Variants in LRRC4C observed in about 807,000 individuals in gnomAD.
The protein encoded by LRRC4C is leucine-rich repeat-containing protein 4C.
In LRRC4C, 5 loss-of-function variants were observed where a neutral mutation model predicts 33.6. The observed-to-expected ratio is 0.15, with a 90% CI of 0.08 to 0.31. The LOEUF is 0.31. Among genes scored for constraint, LRRC4C ranks in the 10% least tolerant of loss-of-function variants. LRRC4C has a pLI of 1.00. For synonymous variants in LRRC4C, 329 were observed against 302.0 expected (o/e 1.09, Z -0.93); for missense variants, 560 against 796.7 (o/e 0.70, Z 3.58).
intron 1 of LRRC4C, among the ~76,000 whole-genome samples, chr11:41,012,297 T>C (rs561062734): frequency 6.6e-6 from 1 of 152,168 alleles, no homozygotes; most frequent in Non-Finnish European, 1.5e-5. Context: ...TAAGATATAC[T>C]TTTTTAGTTG....
chr11:41,157,537 T>C (rs1218355217), intron 1 of LRRC4C, among the ~76,000 whole-genome samples: 1 of 152,172 alleles, frequency 6.6e-6, no homozygotes, highest in African/African-American at 2.4e-5. Flanking sequence ...AAATCCACTA[T>C]TGGCAGAAGT....
chr11:41,298,702 T>C (rs1950207628), intron 1 of LRRC4C, among the ~76,000 whole-genome samples: 1 of 152,184 alleles, frequency 6.6e-6, no homozygotes, highest in African/African-American at 2.4e-5. Context: ...TAGATACAAT[T>C]TGTACTGGTG....
chr11:41,007,365 G>T (rs1008227578), intron 1 of LRRC4C, among the ~76,000 whole-genome samples: 1 of 147,772 alleles, frequency 6.8e-6, no homozygotes, highest in African/African-American at 2.5e-5. Context: ...CAACAAAAAT[G>T]CTTTCTTTTT....
chr11:40,308,904 T>C (rs192646300), intron 4 of LRRC4C, among the ~76,000 whole-genome samples: 1 of 152,314 alleles, frequency 6.6e-6, no homozygotes, highest in East Asian at 1.9e-4. Flanking sequence ...AAAACGGACA[T>C]GCATATGAAT....
chr11:40,268,346 A>G (rs1210333791), intron 4 of LRRC4C, among the ~76,000 whole-genome samples: 1 of 152,210 alleles, frequency 6.6e-6, no homozygotes, highest in Non-Finnish European at 1.5e-5. Context: ...AGACTTCATC[A>G]CAGAACTTCA....
chr11:40,474,935 T>C (rs1257298798), intron 3 of LRRC4C, among the ~76,000 whole-genome samples: 2 of 152,126 alleles, frequency 1.3e-5, no homozygotes, highest in Non-Finnish European at 2.9e-5. Flanking sequence ...TGGCAATCAT[T>C]AAAATGTCAG....
chr11:41,442,631 A>G (rs1324049023), intron 1 of LRRC4C, among the ~76,000 whole-genome samples: 7 of 151,262 alleles, frequency 4.6e-5, no homozygotes, highest in East Asian at 2.0e-4. Context: ...CACCACGCCC[A>G]GCTAATTTTT....
chr11:41,016,828 T>A (rs1334105471), intron 1 of LRRC4C, among the ~76,000 whole-genome samples: 1 of 152,152 alleles, frequency 6.6e-6, no homozygotes, highest in Non-Finnish European at 1.5e-5. Context: ...TTGATTTTCT[T>A]CCAGAGGAGA....
At chr11:40,566,556 CATAT>C in intron 3 of LRRC4C, among the ~76,000 whole-genome samples, 1 of 151,994 alleles carries the variant, frequency 6.6e-6, no homozygotes, top group East Asian at 1.9e-4. Context: ...GTCAATAAGC[CATAT>C]ATTCAAATAT....
intron 4 of LRRC4C, among the ~76,000 whole-genome samples, chr11:40,307,371 C>G (rs1029424636): frequency 2.6e-5 from 4 of 152,092 alleles, no homozygotes; most frequent in African/African-American, 9.7e-5. Context: ...ATTGTGGCTC[C>G]CAAGATTAGT....
intron 1 of LRRC4C, among the ~76,000 whole-genome samples, chr11:41,028,467 A>T (rs1402291948): frequency 6.6e-6 from 1 of 151,150 alleles, no homozygotes; most frequent in African/African-American, 2.4e-5. Context: ...TTGCAATTTC[A>T]TTTTCTCTTG....
chr11:41,379,148 T>G (rs1030331485), intron 1 of LRRC4C, among the ~76,000 whole-genome samples: 5 of 152,122 alleles, frequency 3.3e-5, no homozygotes, highest in African/African-American at 7.2e-5. Context: ...AGAATTATAA[T>G]CTAAGTGGAG....
intron 1 of LRRC4C, among the ~76,000 whole-genome samples, chr11:41,292,840 A>C (rs10837622): frequency 0.18 from 27,695 of 152,064 alleles, 3,103 homozygotes; most frequent in East Asian, 0.43. Context: ...ATTTTTCAGG[A>C]GTGAAATATA....
At chr11:41,418,792 A>G (rs1954778034) in intron 1 of LRRC4C, among the ~76,000 whole-genome samples, 1 of 151,928 alleles carries the variant, frequency 6.6e-6, no homozygotes, top group Non-Finnish European at 1.5e-5. Flanking sequence ...AATTGTATTG[A>G]TTGGGTCGTT....
intron 4 of LRRC4C, among the ~76,000 whole-genome samples, chr11:40,249,866 C>A (rs557370265): frequency 3.9e-5 from 6 of 152,096 alleles, no homozygotes; most frequent in African/African-American, 1.4e-4. Context: ...TATGATACTG[C>A]CTTTTGTTCT....
chr11:40,430,764 C>A (rs1256711137), intron 3 of LRRC4C, among the ~76,000 whole-genome samples: 1 of 151,922 alleles, frequency 6.6e-6, no homozygotes, highest in Non-Finnish European at 1.5e-5. Context: ...GAGCAATCAG[C>A]ACCATTTATT....
chr11:40,770,120 T>C (rs1949684127), intron 2 of LRRC4C, among the ~76,000 whole-genome samples: 1 of 152,194 alleles, frequency 6.6e-6, no homozygotes, highest in Admixed American at 6.5e-5. Flanking sequence ...TAGTCTGTTC[T>C]CATGCTGCTA....
chr11:40,874,059 C>CATT (rs138623368), intron 2 of LRRC4C, among the ~76,000 whole-genome samples: 1 of 152,152 alleles, frequency 6.6e-6, no homozygotes, highest in East Asian at 1.9e-4. Context: ...GCCAAGTGGC[C>CATT]ATTATTAGAT....
At chr11:41,139,486 T>A (rs538194036) in intron 1 of LRRC4C, among the ~76,000 whole-genome samples, 1 of 152,336 alleles carries the variant, frequency 6.6e-6, no homozygotes, top group Admixed American at 6.5e-5. Context: ...GAAGAGACTA[T>A]TGAAAACGGG....
Sources: gnomAD v4.1 joint callset for allele counts (sites outside exome capture counted in the v4.1 genomes callset) on GRCh38, gnomAD v4.1.1 for gene constraint, MANE v1.5 for transcripts, NCBI Gene and HGNC (gene_info 2026-07-23, HGNC 2026-07-21) for gene names.